The following GNA12 variants were observed in gnomAD, a reference collection of about 807,000 sequenced individuals.
GNA12 encodes the protein guanine nucleotide-binding protein subunit alpha-12.
GNA12 carries 9 observed loss-of-function variants against 26.0 expected under a neutral mutation model. The ratio of observed to expected loss-of-function variants is 0.35; its 90% CI spans 0.21 to 0.60. The LOEUF (loss-of-function observed/expected upper bound fraction) is 0.60, where lower values mean the gene tolerates loss of function less well. Ranked by LOEUF, GNA12 falls within the 20% of genes least tolerant of loss-of-function variation. GNA12 has a pLI of 0.78. For missense variants in GNA12, 405 were observed against 525.8 expected, an observed-to-expected ratio of 0.77 and a Z score of 2.25; for synonymous variants, 264 against 219.6, an observed-to-expected ratio of 1.20 and a Z score of -1.79.
intron 2 of GNA12, among the ~76,000 whole-genome samples, chr7:2,747,214 C>G (rs1790809857): frequency 6.6e-6 from 1 of 152,074 alleles, no homozygotes; most frequent in Non-Finnish European, 1.5e-5. Context: ...AGAGACACAA[C>G]CAAAAAAGAG....
intron 2 of GNA12, among the ~76,000 whole-genome samples, chr7:2,739,432 C>T (rs983863864): frequency 6.6e-6 from 1 of 152,142 alleles, no homozygotes; most frequent in Non-Finnish European, 1.5e-5. Context: ...TTCCGAGGCT[C>T]GCCCATGCTG....
rs1185055145 is a variant in GNA12, at chr7:2,773,658, A to T, written c.525+21270T>A. 2.0e-5 allele frequency among the ~76,000 whole-genome samples: 3 copies of T among 152,218 alleles called. No individual in the cohort carries two copies. In the East Asian group the frequency reaches 5.8e-4, roughly 29 times the overall value. ...AGGACAAGCACTGGTGATGAGGTGGAGTAATGGGAACTTGGCCTCTGCTGG... is the reference window on the plus strand; with the variant it reads ...AGGACAAGCACTGGTGATGAGGTGGTGTAATGGGAACTTGGCCTCTGCTGG... On this transcript the variant is annotated intron_variant, in intron 2 of 3. Transcript: ENST00000275364.
intron 2 of GNA12, among the ~76,000 whole-genome samples, chr7:2,746,938 C>T (rs542192829): frequency 1.8e-4 from 28 of 152,056 alleles, no homozygotes; most frequent in African/African-American, 6.5e-4. Flanking sequence ...ATAAATTCCT[C>T]GACACATACA....
At chr7:2,815,047 A>G in intron 1 of GNA12, 1 of 1,483,888 alleles carries the variant, frequency 6.7e-7, no homozygotes, top group South Asian at 1.3e-5. Context: ...CAAAGCCACC[A>G]AGCGCCGCCA....
chr7:2,743,737 G>A (rs556114883), intron 2 of GNA12, among the ~76,000 whole-genome samples: 51 of 152,308 alleles, frequency 3.3e-4, no homozygotes, highest in African/African-American at 1.0e-3. Context: ...TGCCTCACTC[G>A]GGAAGCGCAA....
At position 2,747,845 on chromosome 7, in the gene GNA12, T is replaced by C. The variant is rs932984954; in HGVS notation, c.526-14344A>G. 7.2e-5 allele frequency among the ~76,000 whole-genome samples: 11 copies of C among 152,192 alleles called. No individual in the cohort carries two copies. In the South Asian group the frequency reaches 2.1e-3, roughly 29 times the overall value. ...GGATATAAAATCAATGTACAAAAAT[T>C]ACAAGCATTCTTATACACCAATAAC... is the stretch of plus-strand genomic sequence containing the variant. On this transcript the variant is annotated intron_variant, in intron 2 of 3. Transcript: ENST00000275364.
chr7:2,774,541 G>A (rs1327560070), intron 2 of GNA12, among the ~76,000 whole-genome samples: 6 of 152,244 alleles, frequency 3.9e-5, no homozygotes, highest in Non-Finnish European at 8.8e-5. Flanking sequence ...CTGCAGCAGT[G>A]ACAGAGAGGA....
intron 1 of GNA12, among the ~76,000 whole-genome samples, chr7:2,818,910 G>A (rs1793284544): frequency 6.6e-6 from 1 of 152,210 alleles, no homozygotes; most frequent in Non-Finnish European, 1.5e-5. Flanking sequence ...AAGGCTGTAA[G>A]GCAGGCCACA....
rs1012352403 is a variant in GNA12 at position 2,748,118 on chromosome 7, C to G, written c.526-14617G>C. ...TTTATAGATTCAATGCCATCCCCAT[C>G]AAGCTACCAATGACTTTCTTCACAG... On this transcript the variant is annotated intron_variant, in intron 2 of 3. Coordinates refer to ENST00000275364, the MANE Select transcript of GNA12 (RefSeq NM_007353.3). Among the ~76,000 whole-genome samples, 149 of 151,162 alleles carry G rather than the reference C, an allele frequency of 9.9e-4. 1 individual carries two copies. The highest frequency in any genetic ancestry group is 3.6e-3 in the African/African-American group (147 of 41,034).
At chr7:2,742,660 G>A (rs1053662963) in intron 2 of GNA12, among the ~76,000 whole-genome samples, 25 of 152,068 alleles carry the variant, frequency 1.6e-4, no homozygotes, top group African/African-American at 4.6e-4. Flanking sequence ...CCCTGTCCCC[G>A]CAAACACCTG....
chr7:2,804,477 G>C (rs1420847730), intron 1 of GNA12, among the ~76,000 whole-genome samples: 1 of 152,174 alleles, frequency 6.6e-6, no homozygotes, highest in African/African-American at 2.4e-5. Context: ...AGATGAGCCT[G>C]CTACAAGGCT....
intron 2 of GNA12, among the ~76,000 whole-genome samples, chr7:2,772,166 T>TA (rs1339178364): frequency 6.6e-6 from 1 of 152,232 alleles, no homozygotes; most frequent in Non-Finnish European, 1.5e-5. Flanking sequence ...AAAGGACTCA[T>TA]ATCGAGAATT....
At chr7:2,801,396 C>T (rs753427500) in intron 1 of GNA12, among the ~76,000 whole-genome samples, 15 of 152,164 alleles carry the variant, frequency 9.9e-5, no homozygotes, top group Admixed American at 6.5e-5. Context: ...AGGTCACTTA[C>T]GAAGACTGCA....
intron 2 of GNA12, among the ~76,000 whole-genome samples, chr7:2,773,347 G>A (rs1791994899): frequency 1.3e-5 from 2 of 152,224 alleles, no homozygotes; most frequent in African/African-American, 2.4e-5. Flanking sequence ...GTGATCACCT[G>A]AGGTTGGGAG....
At chr7:2,774,588 G>C (rs1472210626) in intron 2 of GNA12, among the ~76,000 whole-genome samples, 9 of 152,128 alleles carry the variant, frequency 5.9e-5, no homozygotes, top group Non-Finnish European at 1.3e-4. Flanking sequence ...GCAAAGGGGG[G>C]GTCCAGGTTG....
intron 1 of GNA12, among the ~76,000 whole-genome samples, chr7:2,830,366 T>C (rs2114972324): frequency 1.3e-5 from 2 of 152,342 alleles, no homozygotes; most frequent in African/African-American, 4.8e-5. Context: ...ATGAAAATAC[T>C]GGCCTTCTGA....
Position 2,841,389 on chromosome 7 carries a change from T to A in GNA12, c.309+2464A>T, listed in dbSNP as rs79583525. ...TAGAGACAGTCAAACTGCTATACTT[T>A]TATGCCTGCCTGGTTCTGAGGTCTG... is the stretch of plus-strand genomic sequence containing the variant. On this transcript the variant is annotated intron_variant, in intron 1 of 3. Coordinates refer to ENST00000275364, the MANE Select transcript of GNA12 (RefSeq NM_007353.3). Among the ~76,000 whole-genome samples, 1,389 of 152,258 alleles carry A rather than the reference T, an allele frequency of 9.1e-3. 16 individuals carry two copies. Among genetic ancestry groups the A allele is most frequent in the African/African-American group, 0.032 (1,312 of 41,544 alleles).
rs200497737 is a variant in GNA12 at position 2,748,196 on chromosome 7, C to A, written c.526-14695G>T. 1.4e-4 allele frequency among the ~76,000 whole-genome samples: 21 copies of A among 150,590 alleles called. 1 individual carries two copies. The highest frequency in any genetic ancestry group is 5.3e-4 in the Admixed American group (8 of 15,074). On this transcript the variant is annotated intron_variant, in intron 2 of 3. Transcript: ENST00000275364. ...TATGGAACCAAAAAAGAGCCTGCAT[C>A]GCCAAGTCAATCCTAAGCCAAAAGA...
chr7:2,788,375 G>T (rs139288326), intron 2 of GNA12, among the ~76,000 whole-genome samples: 1 of 152,208 alleles, frequency 6.6e-6, no homozygotes, highest in East Asian at 1.9e-4. Context: ...TGGACGGCAC[G>T]TCTAGGAAGT....
Sources: gnomAD v4.1 joint callset for allele counts (sites outside exome capture counted in the v4.1 genomes callset) on GRCh38, gnomAD v4.1.1 for gene constraint, MANE v1.5 for transcripts, NCBI Gene and HGNC (gene_info 2026-07-23, HGNC 2026-07-21) for gene names.